The following MEI1 variants were observed in gnomAD, a reference collection of about 807,000 sequenced individuals.
MEI1 encodes the protein meiotic double-stranded break formation protein 1.
A neutral mutation model predicts 146.2 loss-of-function variants in MEI1; 103 were observed. The observed-to-expected ratio is 0.70, with a 90% CI of 0.60 to 0.83. The LOEUF (loss-of-function observed/expected upper bound fraction) is 0.83, where lower values mean the gene tolerates loss of function less well. MEI1 is among the 40% of genes least tolerant of loss of function. MEI1 has a pLI of 0.00. For missense variants in MEI1, 1,529 were observed against 1,533.0 expected (o/e 1.00, Z 0.04); for synonymous variants, 652 against 628.2 (o/e 1.04, Z -0.57).
At chr22:41,788,154 C>CCCTG (rs2148210154) in intron 26 of MEI1, among the ~76,000 whole-genome samples, 1 of 151,840 alleles carries the variant, frequency 6.6e-6, no homozygotes, top group African/African-American at 2.4e-5. Flanking sequence ...CTCAGCCTCC[C>CCCTG]AAGTACCTGG....
chr22:41,726,835 G>A (rs1231784202), intron 7 of MEI1, among the ~76,000 whole-genome samples: 3 of 151,244 alleles, frequency 2.0e-5, no homozygotes, highest in Non-Finnish European at 2.9e-5. Context: ...GTGCAGTGGC[G>A]ATATCTTGGC....
intron 17 of MEI1, among the ~76,000 whole-genome samples, chr22:41,756,363 C>T (rs2074092849): frequency 6.6e-6 from 1 of 152,082 alleles, no homozygotes; most frequent in African/African-American, 2.4e-5. Flanking sequence ...TCTTGAACTC[C>T]TGGCCTCAAA....
chr22:41,751,099 A>G (rs562579295), intron 15 of MEI1, among the ~76,000 whole-genome samples: 1 of 152,284 alleles, frequency 6.6e-6, no homozygotes, highest in Non-Finnish European at 1.5e-5. Context: ...GGAAGCAGGC[A>G]CTGCCAGCCA....
rs138336199 is a variant in MEI1, at chr22:41,787,240, G to A, written c.3345+2457G>A. On this transcript the variant is annotated intron_variant, in intron 26 of 30. Transcript: ENST00000401548. ...GAACCAAAACATAAGCTTTATTGCT[G>A]GTAAACATCATAGTAGAATATTGGC... Among the ~76,000 whole-genome samples the A allele has an allele frequency of 4.4e-3, 668 of 152,178 alleles. 3 individuals are homozygous for A. Among genetic ancestry groups the A allele is most frequent in the Middle Eastern group, 0.01 (3 of 294 alleles).
intron 19 of MEI1, among the ~76,000 whole-genome samples, chr22:41,769,475 A>AT (rs2075045279): frequency 3.6e-5 from 3 of 84,212 alleles, no homozygotes; most frequent in East Asian, 1.8e-3. Context: ...CATATTAAGG[A>AT]ATTTTTTTTT....
rs1463206410 is a variant in MEI1, at chr22:41,729,784, G to A, written c.979+5G>A. 4.4e-6 allele frequency: 7 copies of A among 1,591,978 alleles called. No individual in the cohort carries two copies. In the Admixed American group the frequency reaches 1.2e-4, roughly 28 times the overall value. ...TCATCCACGCTGACATCCCAGGTAG[G>A]GGAACACTTCTAACCTTCTCCTCCC... is the stretch of plus-strand genomic sequence containing the variant. On this transcript the variant is annotated splice_donor_5th_base_variant and intron_variant, in intron 8 of 30. Transcript: ENST00000401548.
chr22:41,702,478 T>C (rs956142845), intron 1 of MEI1, among the ~76,000 whole-genome samples: 1 of 147,538 alleles, frequency 6.8e-6, no homozygotes, highest in Non-Finnish European at 1.5e-5. Context: ...TGAGACAGTT[T>C]TCCTCTTGTC....
chr22:41,701,065 G>A (rs8138554), intron 1 of MEI1, among the ~76,000 whole-genome samples: 1 of 150,928 alleles, frequency 6.6e-6, no homozygotes, highest in Non-Finnish European at 1.5e-5. Flanking sequence ...TCAGCCTTCC[G>A]AGTAGCTGGG....
chr22:41,725,235 C>T (rs968173661), intron 7 of MEI1, among the ~76,000 whole-genome samples: 2 of 152,094 alleles, frequency 1.3e-5, no homozygotes, highest in African/African-American at 4.8e-5. Flanking sequence ...CCTCAGCCTC[C>T]TGAGTAGTTG....
Position 41,776,230 on chromosome 22 carries a change from GC to G in MEI1, c.2674del (p.Arg892ValfsTer3). ...IRGHFLLILQ[R>X]LLVEHGASPS... ...GAGGCCACTTCCTGCTGATCCTGCA[GC>G]GTCTGCTAGTGGAGCATGGGGCATC... is the stretch of plus-strand genomic sequence containing the variant. On this transcript the variant is annotated frameshift_variant, in exon 21 of 31. Transcript: ENST00000401548. LOFTEE classifies it high-confidence loss of function. 2.5e-6 allele frequency: 4 copies of G among 1,613,872 alleles called. No individual in the cohort carries two copies. The highest frequency in any genetic ancestry group is 3.4e-6 in the Non-Finnish European group (4 of 1,179,860).
chr22:41,784,309 G>A, intron 24 of MEI1, 30 bp from the exon 25 acceptor site: 2 of 1,600,464 alleles, frequency 1.2e-6, no homozygotes, highest in Non-Finnish European at 1.7e-6. Context: ...CAGAACATGG[G>A]GGTTAGCCCT....
intron 5 of MEI1, among the ~76,000 whole-genome samples, chr22:41,717,551 G>A (rs182655225): frequency 6.6e-6 from 1 of 152,052 alleles, no homozygotes; most frequent in East Asian, 1.9e-4. Context: ...TCCCACCTTG[G>A]CCTCCCAAAG....
At chr22:41,731,525 T>TG (rs2147577634) in intron 9 of MEI1, among the ~76,000 whole-genome samples, 1 of 151,014 alleles carries the variant, frequency 6.6e-6, no homozygotes, top group East Asian at 2.0e-4. Context: ...TGGCTAATTT[T>TG]TTTGTATTTT....
In MEI1 at chr22:41,718,359, G is replaced by A. The variant is rs980933593; in HGVS notation, c.733+85G>A. On this transcript the variant is annotated intron_variant, in intron 6 of 30. Coordinates refer to ENST00000401548, the MANE Select transcript of MEI1 (RefSeq NM_152513.4). ...TTGAGATATTGGGTTCTCTAGTAGT[G>A]GGGAAGTTTGCTGTTTTGCAAAAGG... is the stretch of plus-strand genomic sequence containing the variant. 5 of 1,342,300 alleles carry A rather than the reference G, an allele frequency of 3.7e-6. No individual in the cohort carries two copies. The African/African-American group carries it at 4.4e-5, about 12-fold the overall frequency. 83.1% of individuals were successfully genotyped at this position (1,342,300 alleles called of 1,614,324 possible). A position where few individuals can be genotyped will look rare whatever the true frequency, so the allele number is the denominator to read the frequency against.
intron 15 of MEI1, among the ~76,000 whole-genome samples, chr22:41,750,596 A>G (rs2073683313): frequency 6.6e-6 from 1 of 152,126 alleles, no homozygotes; most frequent in African/African-American, 2.4e-5. Context: ...AGAGGGGAAC[A>G]TGGAATCAGG....
Position 41,753,932 on chromosome 22 carries a change from C to A in MEI1, c.1854-17C>A. The stretch of plus-strand genomic sequence containing the variant: ...AGCAATGTCATCTCTTCTATTCTTT[C>A]TTCTTCTCCCTCTAAGTCACTCAGC... On this transcript the variant is annotated splice_polypyrimidine_tract_variant and intron_variant, in intron 16 of 30. Coordinates refer to ENST00000401548, the MANE Select transcript of MEI1 (RefSeq NM_152513.4). 6.4e-7 allele frequency: 1 copy of A among 1,550,472 alleles called. No individual in the cohort carries two copies. The highest frequency in any genetic ancestry group is 8.9e-7 in the Non-Finnish European group (1 of 1,122,180).
At chr22:41,761,282 G>C (rs546274452) in intron 18 of MEI1, among the ~76,000 whole-genome samples, 2 of 150,922 alleles carry the variant, frequency 1.3e-5, no homozygotes, top group African/African-American at 4.9e-5. Context: ...TTGCACTCCA[G>C]CTTGGGCGAC....
rs61333586 is a variant in MEI1 at position 41,771,977 on chromosome 22, T to C, written c.2544+1016T>C. On this transcript the variant is annotated intron_variant, in intron 20 of 30. Coordinates refer to ENST00000401548, the MANE Select transcript of MEI1 (RefSeq NM_152513.4). The stretch of plus-strand genomic sequence containing the variant: ...ATAGTAGTGACAATACAGTCATGCA[T>C]TGCTTAATGATGGGGATACATTTTT... 8.9e-3 allele frequency among the ~76,000 whole-genome samples: 1,355 copies of C among 152,298 alleles called. 30 individuals are homozygous for C. The highest frequency in any genetic ancestry group is 0.031 in the African/African-American group (1,285 of 41,562).
chr22:41,709,499 C>T (rs147622064), intron 3 of MEI1: 53 of 612,730 alleles, frequency 8.6e-5, no homozygotes, highest in African/African-American at 8.4e-4. Flanking sequence ...GTGGCAGCAG[C>T]GACGGCAGCG....
Sources: allele counts gnomAD v4.1 joint callset (sites outside exome capture counted in the v4.1 genomes callset), GRCh38; gene constraint gnomAD v4.1.1; transcripts MANE v1.5; gene names NCBI Gene and HGNC (gene_info 2026-07-23, HGNC 2026-07-21).